LUZP2: variants seen among roughly 807,000 people sequenced by gnomAD.
LUZP2 encodes the protein leucine zipper protein 2.
LUZP2 carries 52 observed loss-of-function variants against 51.6 expected under a neutral mutation model. The observed-to-expected ratio is 1.01, with a 90% confidence interval of 0.81 to 1.27. LUZP2 has a LOEUF of 1.27. Among genes scored for constraint, LUZP2 ranks in the 50% most tolerant of loss-of-function variants. LUZP2 has a pLI of 0.00. For synonymous variants in LUZP2, 154 were observed against 137.3 expected (o/e 1.12, Z -0.85); for missense variants, 436 against 395.4 (o/e 1.10, Z -0.87).
intron 9 of LUZP2, among the ~76,000 whole-genome samples, chr11:25,047,516 C>A (rs1486576609): frequency 6.6e-6 from 1 of 151,892 alleles, no homozygotes; most frequent in African/African-American, 2.4e-5. Flanking sequence ...AATTGCCCTT[C>A]TTGCTAAAAA....
intron 10 of LUZP2, among the ~76,000 whole-genome samples, chr11:25,069,504 C>A (rs1216724683): frequency 6.6e-6 from 1 of 151,768 alleles, no homozygotes; most frequent in East Asian, 1.9e-4. Flanking sequence ...GCTACACGTA[C>A]AACATCTGGA....
chr11:24,976,674 A>G lies in LUZP2; in HGVS notation c.597+9A>G, dbSNP rs139767721. ...AAGCAGCTCTTGACAGGGTAAGTCT[A>G]CATTCATGAACCATTACAACTGTAG... is the stretch of plus-strand genomic sequence containing the variant. On this transcript the variant is annotated intron_variant, in intron 8 of 11. Transcript: ENST00000336930. The G allele has an allele frequency of 3.3e-4, 471 of 1,422,414 alleles. No homozygotes were observed. In the African/African-American group the frequency reaches 6.4e-3, roughly 19 times the overall value. 88.1% of individuals were successfully genotyped at this position (1,422,414 alleles called of 1,614,324 possible).
At chr11:24,924,679 A>T (rs112932257) in intron 7 of LUZP2, among the ~76,000 whole-genome samples, 10 of 152,294 alleles carry the variant, frequency 6.6e-5, no homozygotes, top group African/African-American at 2.4e-4. Flanking sequence ...GTTGAGCTAC[A>T]GCTTGGTTTT....
chr11:24,550,003 C>T (rs1851678416), intron 1 of LUZP2, among the ~76,000 whole-genome samples: 2 of 151,984 alleles, frequency 1.3e-5, no homozygotes, highest in Admixed American at 1.3e-4. Flanking sequence ...AACCCACCAC[C>T]CTCTTCTGAA....
chr11:24,869,122 C>G (rs1851980740), intron 5 of LUZP2, among the ~76,000 whole-genome samples: 2 of 152,098 alleles, frequency 1.3e-5, no homozygotes, highest in Non-Finnish European at 1.5e-5. Context: ...ATGACTTGAG[C>G]AGATACACAA....
chr11:24,724,589 T>C (rs766343586), intron 1 of LUZP2, among the ~76,000 whole-genome samples: 11 of 152,034 alleles, frequency 7.2e-5, no homozygotes, highest in Non-Finnish European at 1.3e-4. Flanking sequence ...AATCAATCAA[T>C]TAATTAAATT....
intron 5 of LUZP2, among the ~76,000 whole-genome samples, chr11:24,858,118 A>T (rs1851626513): frequency 6.6e-6 from 1 of 152,144 alleles, no homozygotes; most frequent in Non-Finnish European, 1.5e-5. Context: ...AAAAGCACAA[A>T]CTTTCACATA....
At chr11:24,666,714 T>C (rs539696990) in intron 1 of LUZP2, among the ~76,000 whole-genome samples, 12 of 152,334 alleles carry the variant, frequency 7.9e-5, no homozygotes, top group Admixed American at 6.5e-4. Flanking sequence ...GGAAGGGCAG[T>C]ACCCACAGAA....
chr11:24,958,268 A>G lies in LUZP2; in HGVS notation c.523-18323A>G, dbSNP rs532181103. Among the ~76,000 whole-genome samples, 398 of 152,326 alleles carry G rather than the reference A, an allele frequency of 2.6e-3. 1 individual carries two copies. The highest frequency in any genetic ancestry group is 9.1e-3 in the African/African-American group (379 of 41,570). ...TTTATAGTCCTTTGGGTATATACCC[A>G]GTAATGGGATGGCTGGGTCAAATGG... is the stretch of plus-strand genomic sequence containing the variant. On this transcript the variant is annotated intron_variant, in intron 7 of 11. Coordinates refer to ENST00000336930, the MANE Select transcript of LUZP2 (RefSeq NM_001009909.4).
intron 6 of LUZP2, among the ~76,000 whole-genome samples, chr11:24,909,875 C>G (rs1249133766): frequency 6.6e-6 from 1 of 152,108 alleles, no homozygotes; most frequent in African/African-American, 2.4e-5. Flanking sequence ...GACTTTGGAA[C>G]TGGCTAACAG....
chr11:24,541,883 A>G (rs1451190104), intron 1 of LUZP2, among the ~76,000 whole-genome samples: 2 of 150,800 alleles, frequency 1.3e-5, no homozygotes, highest in African/African-American at 2.5e-5. Flanking sequence ...CATCCTCAGC[A>G]TAACTTCTTA....
In LUZP2 at chr11:24,549,301, G is replaced by A. The variant is rs191996742; in HGVS notation, c.62+51996G>A. 9.2e-5 allele frequency among the ~76,000 whole-genome samples: 14 copies of A among 152,144 alleles called. No homozygotes were observed. In the East Asian group the frequency reaches 1.9e-3, roughly 21 times the overall value. On this transcript the variant is annotated intron_variant, in intron 1 of 11. Transcript: ENST00000336930. ...TGAGGATTATCAATATCACTGTCAC[G>A]CATCTTTACGTCTTGTCCTACTGGA...
intron 5 of LUZP2, among the ~76,000 whole-genome samples, chr11:24,894,629 G>T (rs1852976548): frequency 6.6e-6 from 1 of 150,676 alleles, no homozygotes; most frequent in African/African-American, 2.4e-5. Flanking sequence ...AATAGTCCCT[G>T]GTATCTATTA....
intron 2 of LUZP2, 29 bp from the exon 3 acceptor site, chr11:24,732,089 A>C: frequency 6.3e-7 from 1 of 1,576,170 alleles, no homozygotes; most frequent in South Asian, 1.1e-5. Context: ...CACCTGAATA[A>C]AACTTCATTT....
intron 9 of LUZP2, among the ~76,000 whole-genome samples, chr11:24,997,821 T>G (rs1361944306): frequency 2.6e-5 from 4 of 152,160 alleles, no homozygotes; most frequent in Non-Finnish European, 5.9e-5. Flanking sequence ...GGGATCCAGT[T>G]TTAGCTTTCT....
At chr11:24,622,382 G>GT (rs1325918586) in intron 1 of LUZP2, among the ~76,000 whole-genome samples, 2 of 151,560 alleles carry the variant, frequency 1.3e-5, no homozygotes, top group East Asian at 3.9e-4. Context: ...TGCGGTGTTT[G>GT]TTTTTTTGTC....
intron 5 of LUZP2, among the ~76,000 whole-genome samples, chr11:24,883,404 C>A (rs1031083284): frequency 2.6e-5 from 4 of 152,030 alleles, no homozygotes; most frequent in Non-Finnish European, 5.9e-5. Context: ...GCACTTGGAA[C>A]AAAAAAGCAA....
chr11:24,891,129 A>G, intron 5 of LUZP2: 7 of 983,950 alleles, frequency 7.1e-6, no homozygotes, highest in African/African-American at 3.5e-5. Flanking sequence ...GAACAAAAGA[A>G]TACTATTTCC....
At chr11:24,963,979 A>T (rs1039363201) in intron 7 of LUZP2, among the ~76,000 whole-genome samples, 1 of 152,194 alleles carries the variant, frequency 6.6e-6, no homozygotes, top group Non-Finnish European at 1.5e-5. Context: ...GGGAATGCAG[A>T]TATCTGTTTG....
Sources: allele counts gnomAD v4.1 joint callset (sites outside exome capture counted in the v4.1 genomes callset), GRCh38; gene constraint gnomAD v4.1.1; transcripts MANE v1.5; gene names NCBI Gene and HGNC (gene_info 2026-07-23, HGNC 2026-07-21).